The following INTU variants were observed in gnomAD, a reference collection of about 807,000 sequenced individuals.
INTU encodes protein inturned.
Under a neutral mutation model 100.5 loss-of-function variants are expected in INTU, and 68 were observed. That is an observed-to-expected ratio of 0.68 (90% CI 0.56 to 0.83). The LOEUF is 0.83. Ranked by LOEUF, INTU falls within the 40% of genes least tolerant of loss-of-function variation. The pLI is 0.00. For missense variants in INTU, 1,071 were observed against 1,114.7 expected, an observed-to-expected ratio of 0.96 and a Z score of 0.56; for synonymous variants, 357 against 395.7, an observed-to-expected ratio of 0.90 and a Z score of 1.16.
intron 14 of INTU, among the ~76,000 whole-genome samples, chr4:127,712,897 G>C (rs1052799291): frequency 6.6e-6 from 1 of 152,200 alleles, no homozygotes; most frequent in African/African-American, 2.4e-5. Context: ...AGGGATCTAG[G>C]TTGCCCACTT....
chr4:127,723,310 C>CA lies in INTU; in HGVS notation c.*6875dup, dbSNP rs1731373126. The CA allele has an allele frequency of 6.6e-6, 1 of 151,264 alleles. No individual in the cohort carries two copies. Among genetic ancestry groups the CA allele is most frequent in the African/African-American group, 2.4e-5 (1 of 41,086 alleles). The allele number at this position is 151,264 out of a possible 1,614,324, so 9.4% of individuals were successfully genotyped here. On this transcript the variant is annotated 3_prime_UTR_variant, in exon 16 of 16. Coordinates refer to ENST00000335251, the MANE Select transcript of INTU (RefSeq NM_015693.4). ...CTCAACTGAAGATGCAGAGTTGACT[C>CA]ACAGTTTTCTTCCTTCTTGGTGGGA...
At chr4:127,655,728 C>T (rs1403244418) in intron 2 of INTU, among the ~76,000 whole-genome samples, 1 of 152,206 alleles carries the variant, frequency 6.6e-6, no homozygotes, top group African/African-American at 2.4e-5. Context: ...AGGCAGGCCT[C>T]CTTGAGCTGT....
chr4:127,669,650 A>G (rs1041569335), intron 5 of INTU, among the ~76,000 whole-genome samples: 1 of 151,868 alleles, frequency 6.6e-6, no homozygotes, highest in Non-Finnish European at 1.5e-5. Flanking sequence ...TCTTACAACA[A>G]TGATAGAAAA....
At chr4:127,644,537 GT>G (rs1417630676) in intron 2 of INTU, among the ~76,000 whole-genome samples, 1 of 152,102 alleles carries the variant, frequency 6.6e-6, no homozygotes, top group East Asian at 1.9e-4. Context: ...CAACAGTGGT[GT>G]TATATATAAA....
At position 127,687,718 on chromosome 4, in the gene INTU, T is replaced by A; in HGVS notation, c.1300T>A (p.Phe434Ile). 3 of 1,613,144 alleles carry A rather than the reference T, an allele frequency of 1.9e-6. No homozygotes were observed. The highest frequency in any genetic ancestry group is 2.5e-6 in the Non-Finnish European group (3 of 1,179,350). ...QIENVPRLDH[F>I]FNLFFQRALQ... ...TGAGAATGTTCCTCGTTTGGATCAT[T>A]TTTTTAACTTGTTCTTTCAAAGAGC... is the stretch of plus-strand genomic sequence containing the variant. Residue 434 changes from phenylalanine (F) to isoleucine (I), a missense_variant, in exon 8 of 16, where the codon TTT becomes ATT. Phe to Ile is a conservative substitution (Grantham distance 21, BLOSUM62 0). Coordinates refer to ENST00000335251, the MANE Select transcript of INTU (RefSeq NM_015693.4).
chr4:127,674,323 A>T, intron 6 of INTU, 110 bp downstream of exon 6: 1 of 806,126 alleles, frequency 1.2e-6, no homozygotes, highest in East Asian at 2.7e-5. Context: ...ACAGTTTTAC[A>T]GTTTAAAGAT....
intron 3 of INTU, among the ~76,000 whole-genome samples, chr4:127,658,816 A>T (rs1403942593): frequency 6.6e-6 from 1 of 152,152 alleles, no homozygotes; most frequent in Admixed American, 6.5e-5. Flanking sequence ...CTTGTTAAAC[A>T]TGCAAGAGGA....
intron 14 of INTU, among the ~76,000 whole-genome samples, chr4:127,711,590 GA>G (rs1367664962): frequency 6.6e-6 from 1 of 152,196 alleles, no homozygotes; most frequent in Non-Finnish European, 1.5e-5. Context: ...AGCAGGAGGT[GA>G]GTGGCGGGCC....
At chr4:127,655,730 T>G (rs978993007) in intron 2 of INTU, among the ~76,000 whole-genome samples, 1 of 152,206 alleles carries the variant, frequency 6.6e-6, no homozygotes, top group Non-Finnish European at 1.5e-5. Context: ...GCAGGCCTCC[T>G]TGAGCTGTGG....
intron 4 of INTU, among the ~76,000 whole-genome samples, chr4:127,664,139 T>G (rs898523253): frequency 3.9e-5 from 6 of 152,156 alleles, no homozygotes; most frequent in African/African-American, 1.2e-4. Context: ...ATAGTTTTTA[T>G]GTTTTACATA....
chr4:127,691,386 A>G (rs558870130), intron 8 of INTU, among the ~76,000 whole-genome samples: 61 of 152,264 alleles, frequency 4.0e-4, no homozygotes, highest in Middle Eastern at 6.8e-3. Context: ...CCAGCAATGA[A>G]TGAGAGTTCC....
rs80092099 is a variant in INTU, at chr4:127,639,247, T to A, written c.147-4274T>A. 2.5e-3 allele frequency among the ~76,000 whole-genome samples: 388 copies of A among 152,252 alleles called. 15 individuals are homozygous for A. The East Asian group carries it at 0.066, about 26-fold the overall frequency. ...GTATTGTCTGCTTAGTCTCCTCTGG[T>A]CTGTAACAATATCTTAGTCCTTTCC... is the stretch of plus-strand genomic sequence containing the variant. On this transcript the variant is annotated intron_variant, in intron 1 of 15. Coordinates refer to ENST00000335251, the MANE Select transcript of INTU (RefSeq NM_015693.4).
chr4:127,686,590 T>C (rs1729837843), intron 7 of INTU: 1 of 152,240 alleles, frequency 6.6e-6, no homozygotes, highest in Non-Finnish European at 1.5e-5. Flanking sequence ...CTTTCTGACA[T>C]TGGAATATCA....
chr4:127,663,278 C>T, intron 3 of INTU, 103 bp from the exon 4 acceptor site: 1 of 752,872 alleles, frequency 1.3e-6, no homozygotes, highest in Non-Finnish European at 2.3e-6. Context: ...TTTATATATA[C>T]TGTACATACC....
chr4:127,669,593 G>A (rs1479119542), intron 5 of INTU, among the ~76,000 whole-genome samples: 1 of 151,790 alleles, frequency 6.6e-6, no homozygotes, highest in Non-Finnish European at 1.5e-5. Flanking sequence ...GAATTGGCAA[G>A]AATGACTGAA....
At chr4:127,696,469 G>A (rs750310163) in intron 8 of INTU, among the ~76,000 whole-genome samples, 24 of 151,944 alleles carry the variant, frequency 1.6e-4, no homozygotes, top group Non-Finnish European at 2.9e-4. Flanking sequence ...TGAGCATGGG[G>A]TTGTTTACAG....
intron 4 of INTU, 44 bp downstream of exon 4, chr4:127,663,628 G>T (rs943186946): frequency 6.6e-7 from 1 of 1,523,356 alleles, no homozygotes; most frequent in Non-Finnish European, 9.0e-7. Flanking sequence ...TTAGTCAAAA[G>T]CCCAAAGGAA....
chr4:127,673,081 A>T (rs1158933593), intron 5 of INTU, among the ~76,000 whole-genome samples: 1 of 152,246 alleles, frequency 6.6e-6, no homozygotes, highest in Non-Finnish European at 1.5e-5. Flanking sequence ...ACTGATTGTC[A>T]TCTCAGCTGG....
intron 3 of INTU, among the ~76,000 whole-genome samples, chr4:127,661,654 G>A (rs531624630): frequency 6.6e-6 from 1 of 152,230 alleles, no homozygotes; most frequent in Admixed American, 6.5e-5. Context: ...AATCTTCAGA[G>A]CTCCCATCTA....
Sources: gnomAD v4.1 joint callset for allele counts (sites outside exome capture counted in the v4.1 genomes callset) on GRCh38, gnomAD v4.1.1 for gene constraint, MANE v1.5 for transcripts, NCBI Gene and HGNC (gene_info 2026-07-23, HGNC 2026-07-21) for gene names.